ZFHX3: variants seen among roughly 807,000 people sequenced by gnomAD.
ZFHX3 encodes zinc finger homeobox 3, also known as zinc finger homeobox protein 3.
Under a neutral mutation model 279.1 loss-of-function variants are expected in ZFHX3, and 42 were observed. The ratio of observed to expected loss-of-function variants is 0.15; its 90% CI spans 0.12 to 0.19. The LOEUF is 0.19. Among genes scored for constraint, ZFHX3 ranks in the 10% least tolerant of loss-of-function variants. The pLI, the probability that ZFHX3 is intolerant of heterozygous loss-of-function variation, is 1.00. For missense variants in ZFHX3, 4,981 were observed against 4,754.0 expected, an observed-to-expected ratio of 1.05 and a Z score of -1.40; for synonymous variants, 2,293 against 1,957.8, an observed-to-expected ratio of 1.17 and a Z score of -4.52.
At chr16:73,609,513 C>T (rs2052224211) in intron 2 of ZFHX3, 3 of 152,134 alleles carry the variant, frequency 2.0e-5, no homozygotes, top group Non-Finnish European at 1.5e-5. Context: ...CAAAGGGTAT[C>T]AGCGGACACA....
intron 1 of ZFHX3, among the ~76,000 whole-genome samples, chr16:73,870,993 G>A (rs1962147738): frequency 6.6e-6 from 1 of 152,116 alleles, no homozygotes; most frequent in African/African-American, 2.4e-5. Flanking sequence ...AGACTCTCAT[G>A]ACCATATCGT....
chr16:73,616,456 G>A (rs1284772599), intron 2 of ZFHX3, among the ~76,000 whole-genome samples: 1 of 148,386 alleles, frequency 6.7e-6, no homozygotes, highest in African/African-American at 2.5e-5. Context: ...AATGCTGCTA[G>A]GTCTCCTTTT....
chr16:72,879,723 C>T (rs2038412086), intron 4 of ZFHX3, among the ~76,000 whole-genome samples: 1 of 152,252 alleles, frequency 6.6e-6, no homozygotes, highest in Non-Finnish European at 1.5e-5. Context: ...CCATGCCCAG[C>T]TAAGGAGTTT....
At chr16:73,649,981 A>T (rs1218053278) in intron 2 of ZFHX3, among the ~76,000 whole-genome samples, 1 of 152,190 alleles carries the variant, frequency 6.6e-6, no homozygotes, top group African/African-American at 2.4e-5. Flanking sequence ...TAGTTGTATA[A>T]GGATAAACAA....
intron 4 of ZFHX3, among the ~76,000 whole-genome samples, chr16:73,267,087 T>C (rs1023012350): frequency 6.6e-6 from 1 of 152,314 alleles, no homozygotes; most frequent in Non-Finnish European, 1.5e-5. Flanking sequence ...GTGGTTTGAT[T>C]ACACTTTCGT....
intron 4 of ZFHX3, among the ~76,000 whole-genome samples, chr16:72,856,634 CT>C (rs746714509): frequency 2.6e-5 from 4 of 152,060 alleles, no homozygotes; most frequent in Non-Finnish European, 4.4e-5. Flanking sequence ...CTAGGGGAGA[CT>C]TCAATGTCTA....
intron 1 of ZFHX3, among the ~76,000 whole-genome samples, chr16:73,736,241 C>G (rs975223911): frequency 6.6e-6 from 1 of 152,204 alleles, no homozygotes; most frequent in African/African-American, 2.4e-5. Context: ...CAGCATTTCT[C>G]TCCAACTGCT....
intron 4 of ZFHX3, among the ~76,000 whole-genome samples, chr16:73,262,085 C>T (rs1031460743): frequency 2.0e-5 from 3 of 152,132 alleles, no homozygotes; most frequent in Non-Finnish European, 4.4e-5. Flanking sequence ...GAGAAGCAGT[C>T]TAAAAACACA....
intron 1 of ZFHX3, among the ~76,000 whole-genome samples, chr16:73,854,030 CACAA>C (rs538560984): frequency 2.6e-5 from 4 of 152,114 alleles, no homozygotes; most frequent in Non-Finnish European, 4.4e-5. Context: ...TTCAGCTAAG[CACAA>C]ACAAAGCATA....
intron 1 of ZFHX3, among the ~76,000 whole-genome samples, chr16:72,969,309 G>A (rs563056568): frequency 1.4e-4 from 21 of 152,232 alleles, no homozygotes; most frequent in African/African-American, 5.1e-4. Context: ...GAGGCTTCTA[G>A]GTGGAGCCTT....
chr16:73,354,409 A>C (rs1415547672), intron 3 of ZFHX3, among the ~76,000 whole-genome samples: 1 of 152,156 alleles, frequency 6.6e-6, no homozygotes, highest in East Asian at 1.9e-4. Flanking sequence ...ACTGGCTGCA[A>C]ATCCAAAGTT....
At chr16:73,549,632 C>G (rs2020173494) in intron 2 of ZFHX3, among the ~76,000 whole-genome samples, 1 of 152,154 alleles carries the variant, frequency 6.6e-6, no homozygotes, top group Non-Finnish European at 1.5e-5. Context: ...CACTCTGCTT[C>G]TTAAAGAACC....
chr16:73,889,569 C>G (rs894048876), intron 1 of ZFHX3, among the ~76,000 whole-genome samples: 3 of 152,156 alleles, frequency 2.0e-5, no homozygotes, highest in Admixed American at 6.5e-5. Context: ...GGGTGAAGTA[C>G]CTATGATCAA....
intron 1 of ZFHX3, among the ~76,000 whole-genome samples, chr16:73,683,274 G>C (rs2053045903): frequency 1.3e-5 from 2 of 152,194 alleles, no homozygotes; most frequent in South Asian, 2.1e-4. Context: ...CTGAGATTTA[G>C]AGGTTGAGTG....
intron 1 of ZFHX3, among the ~76,000 whole-genome samples, chr16:73,729,659 A>G (rs1458914003): frequency 1.3e-5 from 2 of 152,190 alleles, no homozygotes; most frequent in African/African-American, 2.4e-5. Context: ...ACACCATAGC[A>G]TCCTTGCCAA....
At chr16:72,808,442 C>T (rs905560715) in intron 7 of ZFHX3, among the ~76,000 whole-genome samples, 1 of 152,188 alleles carries the variant, frequency 6.6e-6, no homozygotes, top group African/African-American at 2.4e-5. Flanking sequence ...TACTGACAGC[C>T]ATGCCATAAC....
At chr16:72,898,930 T>C (rs769860473) in intron 3 of ZFHX3, among the ~76,000 whole-genome samples, 16 of 151,654 alleles carry the variant, frequency 1.1e-4, no homozygotes, top group South Asian at 4.2e-4. Context: ...GCTGAGTGAG[T>C]GTGCACAGAG....
rs2019591473 is a variant in ZFHX3, at chr16:73,520,424, G to T, written c.-1546-64166C>A. 2.0e-5 allele frequency among the ~76,000 whole-genome samples: 3 copies of T among 152,302 alleles called. No homozygotes were observed. In the South Asian group the frequency reaches 6.2e-4, roughly 32 times the overall value. On this transcript the variant is annotated intron_variant, in intron 2 of 17. Coordinates refer to the ZFHX3 transcript ENST00000641206. ...TTCATGTATTAAGTAAAAATTAACT[G>T]TGAGCTTTTACCAGATGAGGAATTT...
chr16:72,898,125 C>G (rs2038943713), intron 3 of ZFHX3, among the ~76,000 whole-genome samples: 2 of 152,158 alleles, frequency 1.3e-5, no homozygotes, highest in African/African-American at 4.8e-5. Flanking sequence ...GAAGGTCAAC[C>G]TAAATATATA....
Sources: gnomAD v4.1 joint callset for allele counts (sites outside exome capture counted in the v4.1 genomes callset) on GRCh38, gnomAD v4.1.1 for gene constraint, MANE v1.5 for transcripts, NCBI Gene and HGNC (gene_info 2026-07-23, HGNC 2026-07-21) for gene names.